PLD1: variants seen among roughly 807,000 people sequenced by gnomAD.
PLD1 encodes the protein choline phosphatase 1.
A neutral mutation model predicts 137.1 loss-of-function variants in PLD1; 112 were observed. The ratio of observed to expected loss-of-function variants is 0.82; its 90% CI spans 0.70 to 0.96. PLD1 has a LOEUF of 0.96. Ranked by LOEUF, PLD1 falls within the 40% of genes least tolerant of loss-of-function variation. The pLI is 0.00. For missense variants in PLD1, 1,321 were observed against 1,342.0 expected (o/e 0.98, Z 0.24); for synonymous variants, 431 against 454.7 (o/e 0.95, Z 0.66).
chr3:171,678,368 T>G (rs73040132), intron 16 of PLD1, among the ~76,000 whole-genome samples: 1,845 of 152,296 alleles, frequency 0.012, 33 homozygotes, highest in African/African-American at 0.042. Flanking sequence ...CTTCAAATCA[T>G]AGATGGCATT....
At chr3:171,751,960 G>A (rs376714749) in intron 1 of PLD1, among the ~76,000 whole-genome samples, 5 of 150,048 alleles carry the variant, frequency 3.3e-5, no homozygotes, top group Non-Finnish European at 5.9e-5. Flanking sequence ...CCGAGATCGC[G>A]CCACTGTACT....
At chr3:171,772,141 T>C (rs984144559) in intron 1 of PLD1, among the ~76,000 whole-genome samples, 3 of 152,278 alleles carry the variant, frequency 2.0e-5, no homozygotes, top group Admixed American at 1.3e-4. Flanking sequence ...AGCATATTGT[T>C]AGAACATCAG....
intron 21 of PLD1, among the ~76,000 whole-genome samples, chr3:171,658,065 T>A (rs186592664): frequency 6.6e-6 from 1 of 152,276 alleles, no homozygotes; most frequent in African/African-American, 2.4e-5. Context: ...AGATGCTCAG[T>A]ATCATTAGTC....
chr3:171,674,996 A>AAG lies in PLD1; in HGVS notation c.2116-384_2116-383insCT, dbSNP rs1296512825. On this transcript the variant is annotated intron_variant, in intron 18 of 26. Coordinates refer to ENST00000351298, the MANE Select transcript of PLD1 (RefSeq NM_002662.5). ...CTCCATCTCAAAAAAAAAAAAAAAAAAAAGAAAAAGAAAAGAAAAGAAATT... is the reference window on the plus strand; with the variant it reads ...CTCCATCTCAAAAAAAAAAAAAAAAAAGAAAGAAAAAGAAAAGAAAAGAAATT... 4.9e-4 allele frequency among the ~76,000 whole-genome samples: 74 copies of AAG among 149,742 alleles called. 1 individual carries two copies. The highest frequency in any genetic ancestry group is 1.7e-3 in the African/African-American group (69 of 40,342).
chr3:171,772,628 A>G (rs1241037242), intron 1 of PLD1, among the ~76,000 whole-genome samples: 2 of 152,176 alleles, frequency 1.3e-5, no homozygotes, highest in Non-Finnish European at 2.9e-5. Flanking sequence ...ATGACTTTAA[A>G]AGGAGCTAGT....
intron 21 of PLD1, among the ~76,000 whole-genome samples, chr3:171,649,305 A>C (rs560732495): frequency 2.6e-5 from 4 of 152,356 alleles, no homozygotes; most frequent in African/African-American, 9.6e-5. Flanking sequence ...GTAGCTCATA[A>C]ATTTCCTGAA....
chr3:171,756,428 G>A (rs951074917), intron 1 of PLD1, among the ~76,000 whole-genome samples: 9 of 152,178 alleles, frequency 5.9e-5, no homozygotes, highest in Non-Finnish European at 1.3e-4. Context: ...TTCCAGATGA[G>A]TTTCAGCTGT....
chr3:171,705,560 A>G (rs1214221089), intron 11 of PLD1, among the ~76,000 whole-genome samples: 6 of 152,226 alleles, frequency 3.9e-5, no homozygotes, highest in Non-Finnish European at 7.3e-5. Flanking sequence ...TCTCAAAAAA[A>G]AGGGAAAAGA....
intron 9 of PLD1, among the ~76,000 whole-genome samples, chr3:171,713,145 T>A (rs74849049): frequency 5.3e-5 from 8 of 152,250 alleles, no homozygotes; most frequent in African/African-American, 1.9e-4. Flanking sequence ...CTATAATAAA[T>A]GTACATGAGT....
chr3:171,735,126 C>T (rs551593387), intron 4 of PLD1, among the ~76,000 whole-genome samples, 156 bp from the exon 5 acceptor site: 1 of 152,134 alleles, frequency 6.6e-6, no homozygotes, highest in East Asian at 1.9e-4. Flanking sequence ...GAATTAAATA[C>T]ACTTTTTATT....
At chr3:171,610,701 T>A (rs1056590277) in intron 25 of PLD1, among the ~76,000 whole-genome samples, 2 of 152,216 alleles carry the variant, frequency 1.3e-5, no homozygotes, top group African/African-American at 2.4e-5. Flanking sequence ...CAGTAGGCAA[T>A]CAATGGGTTA....
At chr3:171,626,648 G>A (rs1734136866) in intron 23 of PLD1, among the ~76,000 whole-genome samples, 1 of 150,992 alleles carries the variant, frequency 6.6e-6, no homozygotes, top group Non-Finnish European at 1.5e-5. Flanking sequence ...ACTAACAGCG[G>A]ATCTCTCAGC....
At chr3:171,639,583 C>CAT (rs1553806049) in intron 23 of PLD1, among the ~76,000 whole-genome samples, 8 of 66,792 alleles carry the variant, frequency 1.2e-4, no homozygotes, top group South Asian at 8.7e-4. Context: ...AATATATATT[C>CAT]ATATAATATA....
rs71178231 is a variant in PLD1, at chr3:171,635,965, C to CTTTTTTTTTTTTTTT, written c.2593+6860_2593+6874dup. 6.3e-4 allele frequency among the ~76,000 whole-genome samples: 31 copies of CTTTTTTTTTTTTTTT among 49,280 alleles called. 1 individual carries two copies. Among genetic ancestry groups the CTTTTTTTTTTTTTTT allele is most frequent in the Non-Finnish European group, 7.1e-4 (16 of 22,586 alleles). The allele number at this position is 49,280 out of a possible 152,430, so 32.3% of individuals were successfully genotyped here. On this transcript the variant is annotated intron_variant, in intron 23 of 26. Transcript: ENST00000351298. Reference sequence around the variant, plus strand: ...ATGGTATGAGGTAGGGGTTCAACTTCTTTTTTTTTTTTTTTTTTTTTTTTT... The same window carrying CTTTTTTTTTTTTTTT: ...ATGGTATGAGGTAGGGGTTCAACTTCTTTTTTTTTTTTTTTTTTTTTTTTTTTTTTTTTTTTTTTT...
chr3:171,677,967 C>A (rs1713561541), intron 16 of PLD1: 1 of 248,006 alleles, frequency 4.0e-6, no homozygotes, highest in South Asian at 9.4e-5. Flanking sequence ...ATTTCCACCA[C>A]CTACCAGATC....
chr3:171,697,243 T>TCTG (rs1560227349), intron 12 of PLD1, among the ~76,000 whole-genome samples: 1 of 127,858 alleles, frequency 7.8e-6, no homozygotes, highest in Non-Finnish European at 1.6e-5. Flanking sequence ...ACACCTTTTT[T>TCTG]TTTTTTTTTT....
intron 11 of PLD1, among the ~76,000 whole-genome samples, chr3:171,707,097 A>G (rs994725014): frequency 4.6e-5 from 7 of 152,218 alleles, no homozygotes; most frequent in Admixed American, 3.3e-4. Flanking sequence ...GTTCTCACTT[A>G]TAAGTGGGAG....
At chr3:171,768,987 G>C (rs891290569) in intron 1 of PLD1, among the ~76,000 whole-genome samples, 2 of 152,192 alleles carry the variant, frequency 1.3e-5, no homozygotes, top group African/African-American at 2.4e-5. Flanking sequence ...TGCAATGTGT[G>C]TTCCAAACCT....
chr3:171,716,736 CTTTAG>C (rs1338328049), intron 8 of PLD1, among the ~76,000 whole-genome samples: 1 of 152,126 alleles, frequency 6.6e-6, no homozygotes, highest in African/African-American at 2.4e-5. Flanking sequence ...TGCAGAAGCT[CTTTAG>C]TTTAATTAGA....
Sources: allele counts gnomAD v4.1 joint callset (sites outside exome capture counted in the v4.1 genomes callset), GRCh38; gene constraint gnomAD v4.1.1; transcripts MANE v1.5; gene names NCBI Gene and HGNC (gene_info 2026-07-23, HGNC 2026-07-21).